The following LRMDA variants were observed in gnomAD, a reference collection of about 807,000 sequenced individuals.
The protein encoded by LRMDA is leucine-rich melanocyte differentiation-associated protein.
Under a neutral mutation model 29.8 loss-of-function variants are expected in LRMDA, and 18 were observed. That is an observed-to-expected ratio of 0.60 (90% CI 0.42 to 0.90). LRMDA has a LOEUF of 0.90. LRMDA is among the 40% of genes least tolerant of loss of function. The pLI, the probability that LRMDA is intolerant of heterozygous loss-of-function variation, is 0.00. For synonymous variants in LRMDA, 125 were observed against 109.4 expected, an observed-to-expected ratio of 1.14 and a Z score of -0.89; for missense variants, 273 against 273.9, an observed-to-expected ratio of 1.00 and a Z score of 0.02.
intron 2 of LRMDA, among the ~76,000 whole-genome samples, chr10:75,576,999 C>A (rs1435301170): frequency 6.6e-6 from 1 of 152,160 alleles, no homozygotes. Context: ...GATCACAACT[C>A]CTCTCCAGCA....
chr10:75,940,796 G>A (rs1846377976), intron 2 of LRMDA, among the ~76,000 whole-genome samples: 2 of 152,102 alleles, frequency 1.3e-5, no homozygotes, highest in African/African-American at 4.8e-5. Flanking sequence ...GCGCGCGTGT[G>A]TGTGTGTTGA....
intron 2 of LRMDA, among the ~76,000 whole-genome samples, chr10:75,891,743 A>G (rs1019007139): frequency 1.3e-5 from 2 of 152,196 alleles, no homozygotes; most frequent in African/African-American, 4.8e-5. Flanking sequence ...ATGTTTTAGA[A>G]GAAAGAGTTG....
At chr10:75,903,019 G>A (rs111650898) in intron 2 of LRMDA, among the ~76,000 whole-genome samples, 3,656 of 152,284 alleles carry the variant, frequency 0.024, 141 homozygotes, top group African/African-American at 0.083. Flanking sequence ...TAGTGAAAAC[G>A]CCCAGTCTAG....
intron 2 of LRMDA, among the ~76,000 whole-genome samples, chr10:75,818,571 T>C (rs1844099793): frequency 6.6e-6 from 1 of 152,204 alleles, no homozygotes; most frequent in Admixed American, 6.5e-5. Context: ...AACTGCCTTC[T>C]TCTCCAGAGG....
intron 2 of LRMDA, among the ~76,000 whole-genome samples, chr10:75,796,064 A>AAATAC (rs1843646932): frequency 6.6e-6 from 1 of 152,234 alleles, no homozygotes; most frequent in Non-Finnish European, 1.5e-5. Context: ...CAACCTTGCT[A>AAATAC]AAGTCACTTA....
chr10:76,556,166 TGTTAA>T (rs1177041541), intron 6 of LRMDA, among the ~76,000 whole-genome samples: 2 of 152,204 alleles, frequency 1.3e-5, no homozygotes, highest in Non-Finnish European at 2.9e-5. Flanking sequence ...CATTTTTCAT[TGTTAA>T]GTCTCCTACA....
chr10:76,241,947 T>C (rs1852284829), intron 5 of LRMDA: 1 of 152,240 alleles, frequency 6.6e-6, no homozygotes, highest in African/African-American at 2.4e-5. Flanking sequence ...ATAAAATACT[T>C]GGCATAGTTT....
intron 2 of LRMDA, among the ~76,000 whole-genome samples, chr10:75,804,163 A>G (rs1211259840): frequency 6.6e-6 from 1 of 152,164 alleles, no homozygotes; most frequent in Non-Finnish European, 1.5e-5. Flanking sequence ...TTTGAAAGCT[A>G]TCATTTTCTT....
intron 2 of LRMDA, among the ~76,000 whole-genome samples, chr10:75,591,674 A>C (rs938112351): frequency 4.6e-5 from 7 of 152,326 alleles, no homozygotes; most frequent in Non-Finnish European, 7.4e-5. Context: ...CCTCATTTGC[A>C]CTCAGAAACC....
chr10:76,246,182 T>A (rs144342746), intron 5 of LRMDA, among the ~76,000 whole-genome samples: 25 of 152,296 alleles, frequency 1.6e-4, no homozygotes, highest in African/African-American at 5.5e-4. Context: ...ACTGCTGGTG[T>A]TATTTGTCAT....
chr10:75,943,365 T>A (rs1231785299), intron 2 of LRMDA, among the ~76,000 whole-genome samples: 4 of 152,176 alleles, frequency 2.6e-5, no homozygotes, highest in African/African-American at 9.6e-5. Flanking sequence ...CCCACCATTT[T>A]ACAGATGAGA....
chr10:76,009,288 A>G (rs1847730424), intron 2 of LRMDA, among the ~76,000 whole-genome samples: 1 of 152,120 alleles, frequency 6.6e-6, no homozygotes, highest in Admixed American at 6.5e-5. Flanking sequence ...TTTTCTCACT[A>G]CACTAAGATG....
chr10:76,321,368 G>A (rs1410430780), intron 5 of LRMDA, among the ~76,000 whole-genome samples: 1 of 152,134 alleles, frequency 6.6e-6, no homozygotes, highest in Non-Finnish European at 1.5e-5. Context: ...TTAAAAGTTT[G>A]TCAGTATGAT....
rs192580428 is a variant in LRMDA at position 76,378,561 on chromosome 10, T to A, written c.601+54076T>A. 4.9e-4 allele frequency among the ~76,000 whole-genome samples: 74 copies of A among 152,238 alleles called. No individual in the cohort carries two copies. In the Middle Eastern group the frequency reaches 0.014, roughly 28 times the overall value. Reference sequence around the variant, plus strand: ...TATTTTGAGGTATGTTCCTTCTATTTCTAGTTTGTTGAGGGTTTTAATCAT... The same window carrying A: ...TATTTTGAGGTATGTTCCTTCTATTACTAGTTTGTTGAGGGTTTTAATCAT... On this transcript the variant is annotated intron_variant, in intron 6 of 6. Coordinates refer to ENST00000611255, the MANE Select transcript of LRMDA (RefSeq NM_001305581.2).
chr10:76,380,187 G>T (rs905087492), intron 6 of LRMDA, among the ~76,000 whole-genome samples: 3 of 152,122 alleles, frequency 2.0e-5, no homozygotes, highest in Admixed American at 2.0e-4. Context: ...TTCTGTGGTT[G>T]TTGGGTAGAA....
chr10:76,242,976 C>T (rs1852305174), intron 5 of LRMDA, among the ~76,000 whole-genome samples: 1 of 152,150 alleles, frequency 6.6e-6, no homozygotes, highest in African/African-American at 2.4e-5. Context: ...CCAGAGCAGA[C>T]ACTTGAATAA....
At chr10:76,435,438 C>A (rs1842235634) in intron 6 of LRMDA, among the ~76,000 whole-genome samples, 3 of 152,200 alleles carry the variant, frequency 2.0e-5, no homozygotes, top group Non-Finnish European at 4.4e-5. Context: ...CCTCTCAGAG[C>A]AGAAGGGAGA....
At chr10:76,095,347 T>C (rs764797084) in intron 5 of LRMDA, among the ~76,000 whole-genome samples, 1 of 152,232 alleles carries the variant, frequency 6.6e-6, no homozygotes, top group Non-Finnish European at 1.5e-5. Context: ...TTTTCACATA[T>C]GGATGTACTA....
intron 2 of LRMDA, among the ~76,000 whole-genome samples, chr10:75,922,620 A>G (rs1460781125): frequency 6.6e-6 from 1 of 152,076 alleles, no homozygotes; most frequent in African/African-American, 2.4e-5. Flanking sequence ...CAACTTCCAC[A>G]TATTACACTG....
Sources: gnomAD v4.1 joint callset for allele counts (sites outside exome capture counted in the v4.1 genomes callset) on GRCh38, gnomAD v4.1.1 for gene constraint, MANE v1.5 for transcripts, NCBI Gene and HGNC (gene_info 2026-07-23, HGNC 2026-07-21) for gene names.